ZBTB7C: variants seen among roughly 807,000 people sequenced by gnomAD.
The protein encoded by ZBTB7C is zinc finger and BTB domain-containing protein 7C.
In ZBTB7C, 8 loss-of-function variants were observed where a neutral mutation model predicts 25.7. That is an observed-to-expected ratio of 0.31 (90% CI 0.18 to 0.56). The LOEUF is 0.56. Ranked by LOEUF, ZBTB7C falls within the 20% of genes least tolerant of loss-of-function variation. The probability of loss-of-function intolerance (pLI) is 0.91; values close to 1 mark genes in which losing one functional copy is unlikely to be tolerated. For synonymous variants in ZBTB7C, 394 were observed against 369.0 expected (o/e 1.07, Z -0.78); for missense variants, 824 against 855.2 (o/e 0.96, Z 0.46).
At position 48,029,129 on chromosome 18, in the gene ZBTB7C, G is replaced by T; in HGVS notation, c.*131C>A. ...GCCCGGGAAAATGCCATCACTGATA[G>T]TATTATTATTATTTTCCCATTTTCC... On this transcript the variant is annotated 3_prime_UTR_variant, in exon 5 of 5. Transcript: ENST00000590800. 2 of 1,252,672 alleles carry T rather than the reference G, an allele frequency of 1.6e-6. No homozygotes were observed. The highest frequency in any genetic ancestry group is 2.1e-6 in the Non-Finnish European group (2 of 939,062). 77.6% of individuals were successfully genotyped at this position (1,252,672 alleles called of 1,614,324 possible).
At chr18:48,399,044 G>T (rs2048096930) in intron 1 of ZBTB7C, among the ~76,000 whole-genome samples, 1 of 152,186 alleles carries the variant, frequency 6.6e-6, no homozygotes, top group Non-Finnish European at 1.5e-5. Flanking sequence ...CATGTAGGCG[G>T]GCTGGTTAGA....
chr18:48,156,221 T>C lies in ZBTB7C; in HGVS notation c.-17+29713A>G, dbSNP rs118131976. Among the ~76,000 whole-genome samples the C allele has an allele frequency of 7.2e-3, 1,101 of 152,350 alleles. 7 individuals are homozygous for C. Among genetic ancestry groups the C allele is most frequent in the Admixed American group, 0.02 (299 of 15,306 alleles). The stretch of plus-strand genomic sequence containing the variant: ...GAAGATGGAGCCAGGATTTGGGTCA[T>C]GTTCAAGATGAATGCCAAGAAGACC... On this transcript the variant is annotated intron_variant, in intron 3 of 4. Transcript: ENST00000590800.
chr18:48,255,686 T>C (rs916247108), intron 2 of ZBTB7C, among the ~76,000 whole-genome samples: 2 of 152,184 alleles, frequency 1.3e-5, no homozygotes, highest in African/African-American at 2.4e-5. Flanking sequence ...TCCTGGGCCC[T>C]TCTGTCTATA....
At chr18:48,093,131 T>G (rs2038481036) in intron 3 of ZBTB7C, among the ~76,000 whole-genome samples, 1 of 152,152 alleles carries the variant, frequency 6.6e-6, no homozygotes, top group Non-Finnish European at 1.5e-5. Flanking sequence ...GAGACTGTAT[T>G]AACAGAGCAC....
At chr18:48,357,772 T>C (rs1312223351) in intron 1 of ZBTB7C, among the ~76,000 whole-genome samples, 7 of 152,210 alleles carry the variant, frequency 4.6e-5, no homozygotes. Flanking sequence ...GATTTCATGC[T>C]CATAGGACAT....
intron 3 of ZBTB7C, among the ~76,000 whole-genome samples, chr18:48,112,098 T>C: frequency 6.6e-6 from 1 of 152,160 alleles, no homozygotes; most frequent in East Asian, 1.9e-4. Flanking sequence ...TATAGATAAG[T>C]ATTTTACTGA....
chr18:48,227,255 T>C (rs1315318351), intron 2 of ZBTB7C, among the ~76,000 whole-genome samples: 3 of 152,180 alleles, frequency 2.0e-5, no homozygotes, highest in Non-Finnish European at 4.4e-5. Flanking sequence ...TGCCACTGTG[T>C]CCACCAGGAA....
chr18:48,236,316 T>C (rs957105257), intron 2 of ZBTB7C, among the ~76,000 whole-genome samples: 5 of 152,218 alleles, frequency 3.3e-5, no homozygotes, highest in Admixed American at 1.3e-4. Context: ...TCACCTCTTC[T>C]AGAAGCCTTT....
At chr18:48,224,962 C>T (rs931038774) in intron 2 of ZBTB7C, among the ~76,000 whole-genome samples, 2 of 152,204 alleles carry the variant, frequency 1.3e-5, no homozygotes. Flanking sequence ...ATTTTGGTGA[C>T]TTAAATTTAT....
chr18:48,034,532 AGCACTCCTCCCT>A (rs1208160944), intron 4 of ZBTB7C, among the ~76,000 whole-genome samples: 1 of 151,804 alleles, frequency 6.6e-6, no homozygotes, highest in Non-Finnish European at 1.5e-5. Flanking sequence ...TCCTCCTCCC[AGCACTCCTCCCT>A]GCACGTGGCA....
chr18:48,317,235 C>A (rs566702545), intron 2 of ZBTB7C, among the ~76,000 whole-genome samples: 8 of 125,992 alleles, frequency 6.3e-5, no homozygotes, highest in Non-Finnish European at 1.1e-4. Context: ...CCAGCCTGGG[C>A]GACAAGAGTG....
At chr18:48,246,529 T>C (rs1174424168) in intron 2 of ZBTB7C, among the ~76,000 whole-genome samples, 1 of 151,102 alleles carries the variant, frequency 6.6e-6, no homozygotes, top group East Asian at 1.9e-4. Flanking sequence ...AAAATGGAAA[T>C]AAAAAAACAC....
chr18:48,093,209 G>T (rs570908835), intron 3 of ZBTB7C, among the ~76,000 whole-genome samples: 1 of 152,244 alleles, frequency 6.6e-6, no homozygotes, highest in East Asian at 1.9e-4. Flanking sequence ...AGACTCAGCC[G>T]TGGTGGAGAT....
At chr18:48,074,447 T>C (rs893578822) in intron 3 of ZBTB7C, among the ~76,000 whole-genome samples, 1 of 152,248 alleles carries the variant, frequency 6.6e-6, no homozygotes, top group African/African-American at 2.4e-5. Flanking sequence ...CCCTCTGGCC[T>C]GGTACACAGT....
At chr18:48,284,605 C>A (rs2044977958) in intron 2 of ZBTB7C, among the ~76,000 whole-genome samples, 1 of 151,958 alleles carries the variant, frequency 6.6e-6, no homozygotes, top group East Asian at 1.9e-4. Context: ...ACCAAGCTGG[C>A]CAACATAGCG....
At chr18:48,258,431 C>T (rs138387422) in intron 2 of ZBTB7C, among the ~76,000 whole-genome samples, 1 of 152,130 alleles carries the variant, frequency 6.6e-6, no homozygotes, top group East Asian at 1.9e-4. Flanking sequence ...ATACTAGCAA[C>T]AATAGGAAAT....
At chr18:48,389,392 T>A (rs1320151558) in intron 1 of ZBTB7C, among the ~76,000 whole-genome samples, 1 of 147,350 alleles carries the variant, frequency 6.8e-6, no homozygotes, top group Non-Finnish European at 1.5e-5. Flanking sequence ...AAAAGTGGAT[T>A]CAATTCCTGA....
intron 3 of ZBTB7C, among the ~76,000 whole-genome samples, chr18:48,167,568 G>GTGTGTGTGTGTGTGTT (rs2041299146): frequency 6.7e-6 from 1 of 149,568 alleles, no homozygotes; most frequent in African/African-American, 2.5e-5. Context: ...GCTAGGGTGT[G>GTGTGTGTGTGTGTGTT]TGTGTGTGTG....
chr18:48,034,284 G>C (rs775317952), intron 4 of ZBTB7C, among the ~76,000 whole-genome samples: 1 of 151,994 alleles, frequency 6.6e-6, no homozygotes, highest in Non-Finnish European at 1.5e-5. Context: ...CCCATGGTAC[G>C]CTGCCCCACA....
Sources: gnomAD v4.1 joint callset for allele counts (sites outside exome capture counted in the v4.1 genomes callset) on GRCh38, gnomAD v4.1.1 for gene constraint, MANE v1.5 for transcripts, NCBI Gene and HGNC (gene_info 2026-07-23, HGNC 2026-07-21) for gene names.